Variants in DCPH1 observed in about 807,000 individuals in gnomAD.
DCPH1 encodes the protein damage-control phosphatase 1.
chr6:151,452,920 G>A, the DCPH1 span: 1 of 260,296 alleles, frequency 3.8e-6, no homozygotes, highest in Middle Eastern at 1.1e-3. Context: ...GGGGATCTCA[G>A]CGCTATTAAG....
the DCPH1 span, chr6:151,454,423 C>T: frequency 9.7e-6 from 6 of 618,086 alleles, no homozygotes; most frequent in East Asian, 3.1e-5. Context: ...TCATACAATA[C>T]TTGTCTATCT....
At chr6:151,461,613 G>A in the DCPH1 span, among the ~76,000 whole-genome samples, 1 of 152,216 alleles carries the variant, frequency 6.6e-6, no homozygotes, top group Non-Finnish European at 1.5e-5. Flanking sequence ...GGAGGTTGCA[G>A]TGAGCCGAGA....
At chr6:151,469,830 A>G in the DCPH1 span, 5 of 152,398 alleles carry the variant, frequency 3.3e-5, no homozygotes, top group East Asian at 1.9e-4. Context: ...TAATCAAATG[A>G]GATTATTTTA....
chr6:151,453,976 G>A, the DCPH1 span, among the ~76,000 whole-genome samples: 2 of 152,204 alleles, frequency 1.3e-5, no homozygotes, highest in Non-Finnish European at 2.9e-5. Context: ...GGCAGAATAG[G>A]ATGGAAGGAG....
chr6:151,468,333 T>C, the DCPH1 span: 1 of 1,524,140 alleles, frequency 6.6e-7, no homozygotes, highest in East Asian at 2.3e-5. Flanking sequence ...TTGTACTTTT[T>C]CTTTTTCAGA....
At chr6:151,469,054 C>G in the DCPH1 span, 16 of 1,613,788 alleles carry the variant, frequency 9.9e-6, no homozygotes. Context: ...GGCCTCTGAG[C>G]CCAGCTGGTG....
chr6:151,463,552 CCTTGGAATAAGGGTGTAG>C, the DCPH1 span, among the ~76,000 whole-genome samples: 1 of 152,176 alleles, frequency 6.6e-6, no homozygotes, highest in Admixed American at 6.5e-5. Flanking sequence ...ATGGCAGCGC[CCTTGGAATAAGGGTGTAG>C]CTTCCCGAGG....
At chr6:151,457,139 G>A in the DCPH1 span, among the ~76,000 whole-genome samples, 4 of 152,230 alleles carry the variant, frequency 2.6e-5, no homozygotes, top group Non-Finnish European at 4.4e-5. Context: ...GCTTATCTCC[G>A]AAGGAGCCAT....
chr6:151,460,050 C>A, the DCPH1 span, among the ~76,000 whole-genome samples: 10 of 152,000 alleles, frequency 6.6e-5, no homozygotes, highest in Non-Finnish European at 1.2e-4. Flanking sequence ...TACACACACA[C>A]GTATATATTT....
the DCPH1 span, chr6:151,469,346 T>C: frequency 5.2e-6 from 2 of 386,832 alleles, no homozygotes; most frequent in African/African-American, 4.2e-5. Flanking sequence ...TATATTGGAA[T>C]TTTAGCAACT....
the DCPH1 span, among the ~76,000 whole-genome samples, chr6:151,461,379 C>T: frequency 6.7e-6 from 1 of 148,588 alleles, no homozygotes; most frequent in Non-Finnish European, 1.5e-5. Context: ...TTCAAAAATG[C>T]GTATTTTTAG....
chr6:151,469,950 A>T, the DCPH1 span: 1 of 152,302 alleles, frequency 6.6e-6, no homozygotes, highest in Non-Finnish European at 1.5e-5. Context: ...CAATGAATGA[A>T]TTTATTTTTT....
chr6:151,454,846 A>G, the DCPH1 span, among the ~76,000 whole-genome samples: 1 of 152,240 alleles, frequency 6.6e-6, no homozygotes, highest in African/African-American at 2.4e-5. Context: ...TTGTGTTCCA[A>G]TAATTAATTC....
the DCPH1 span, among the ~76,000 whole-genome samples, chr6:151,459,997 A>G: frequency 6.6e-6 from 1 of 152,188 alleles, no homozygotes; most frequent in Non-Finnish European, 1.5e-5. Flanking sequence ...TGGGAAACAT[A>G]TGGAACTTTA....
the DCPH1 span, among the ~76,000 whole-genome samples, chr6:151,465,747 A>G: frequency 6.6e-6 from 1 of 152,124 alleles, no homozygotes; most frequent in Admixed American, 6.5e-5. Flanking sequence ...GGTTGGGGCC[A>G]AGTTGGTAGC....
chr6:151,458,261 AT>A, the DCPH1 span: 1 of 1,524,044 alleles, frequency 6.6e-7, no homozygotes, highest in South Asian at 1.3e-5. Flanking sequence ...CTGTAAAAAT[AT>A]GTTACCCTAG....
At chr6:151,464,682 T>G in the DCPH1 span, 2 of 1,017,740 alleles carry the variant, frequency 2.0e-6, no homozygotes, top group Non-Finnish European at 2.8e-6. Flanking sequence ...TGCTATACAG[T>G]TAACAAAACA....
At chr6:151,457,411 C>T in the DCPH1 span, among the ~76,000 whole-genome samples, 1 of 152,298 alleles carries the variant, frequency 6.6e-6, no homozygotes, top group African/African-American at 2.4e-5. Flanking sequence ...GCCTGACACC[C>T]TGTAAAACCT....
chr6:151,458,643 G>A, the DCPH1 span: 1 of 1,360,744 alleles, frequency 7.3e-7, no homozygotes, highest in Non-Finnish European at 1.0e-6. Context: ...AAAAGGATAA[G>A]TTTAAAAATA....
Sources: allele counts gnomAD v4.1 joint callset (sites outside exome capture counted in the v4.1 genomes callset), GRCh38; gene constraint gnomAD v4.1.1; transcripts MANE v1.5; gene names NCBI Gene and HGNC (gene_info 2026-07-23, HGNC 2026-07-21).